The following CBFA2T2 variants were observed in gnomAD, a reference collection of about 807,000 sequenced individuals.
The protein encoded by CBFA2T2 is CBFA2/RUNX1 partner transcriptional co-repressor 2.
A neutral mutation model predicts 62.2 loss-of-function variants in CBFA2T2; 11 were observed. That is an observed-to-expected ratio of 0.18 (90% confidence interval 0.11 to 0.29). The LOEUF is 0.29. Ranked by LOEUF, CBFA2T2 falls within the 10% of genes least tolerant of loss-of-function variation. CBFA2T2 has a pLI of 1.00. For missense variants in CBFA2T2, 592 were observed against 774.1 expected (o/e 0.76, Z 2.79); for synonymous variants, 295 against 287.5 (o/e 1.03, Z -0.27).
chr20:33,540,273 A>C (rs181698782), intron 1 of CBFA2T2, among the ~76,000 whole-genome samples: 1 of 152,330 alleles, frequency 6.6e-6, no homozygotes, highest in African/African-American at 2.4e-5. Context: ...TAACAACAGA[A>C]ATATGTTCTG....
At chr20:33,550,670 T>C (rs920677570) in intron 1 of CBFA2T2, among the ~76,000 whole-genome samples, 2 of 152,114 alleles carry the variant, frequency 1.3e-5, no homozygotes, top group African/African-American at 4.8e-5. Context: ...TCGCCCAGGC[T>C]GGAGTGAAGT....
chr20:33,575,156 G>A (rs2013766738), intron 1 of CBFA2T2, among the ~76,000 whole-genome samples: 1 of 152,218 alleles, frequency 6.6e-6, no homozygotes, highest in South Asian at 2.1e-4. Flanking sequence ...CGAGGTAGCT[G>A]TGTTATTTTT....
At chr20:33,567,450 G>A (rs1221059029) in intron 1 of CBFA2T2, among the ~76,000 whole-genome samples, 1 of 152,076 alleles carries the variant, frequency 6.6e-6, no homozygotes, top group Non-Finnish European at 1.5e-5. Context: ...GTTACCTGTG[G>A]TACAGTACGC....
chr20:33,611,868 G>T (rs992749553), intron 3 of CBFA2T2, among the ~76,000 whole-genome samples: 6 of 152,118 alleles, frequency 3.9e-5, no homozygotes, highest in African/African-American at 1.4e-4. Context: ...GTTATTTAAG[G>T]TGGTGATTTA....
chr20:33,502,520 C>T (rs577033989), intron 1 of CBFA2T2, among the ~76,000 whole-genome samples: 27 of 152,042 alleles, frequency 1.8e-4, no homozygotes, highest in African/African-American at 6.5e-4. Flanking sequence ...CATTCTGCCT[C>T]AGCCTTCCGA....
chr20:33,490,331 G>T, intron 1 of CBFA2T2, 30 bp downstream of exon 1: 1 of 1,277,100 alleles, frequency 7.8e-7, no homozygotes, highest in Non-Finnish European at 9.9e-7. Context: ...GGGCGGCCGA[G>T]GGGGGCGTGT....
chr20:33,550,090 T>C (rs1465929114), intron 1 of CBFA2T2, among the ~76,000 whole-genome samples: 1 of 152,180 alleles, frequency 6.6e-6, no homozygotes, highest in East Asian at 1.9e-4. Context: ...GCTATAGATT[T>C]TAATAACTTA....
At chr20:33,490,561 C>T (rs989864558) in intron 1 of CBFA2T2, among the ~76,000 whole-genome samples, 2 of 152,176 alleles carry the variant, frequency 1.3e-5, no homozygotes, top group African/African-American at 2.4e-5. Context: ...GGAACTTAGG[C>T]CGGGCCGGCG....
At chr20:33,532,883 C>T (rs1269108146) in intron 1 of CBFA2T2, among the ~76,000 whole-genome samples, 1 of 152,208 alleles carries the variant, frequency 6.6e-6, no homozygotes, top group African/African-American at 2.4e-5. Flanking sequence ...CTGTCTTCTG[C>T]TGTTTCTCAA....
chr20:33,546,408 A>C (rs971268328), intron 1 of CBFA2T2, among the ~76,000 whole-genome samples: 1 of 148,400 alleles, frequency 6.7e-6, no homozygotes, highest in South Asian at 2.1e-4. Context: ...TTAGCTCAGC[A>C]TGGCCTATCT....
intron 1 of CBFA2T2, among the ~76,000 whole-genome samples, chr20:33,501,951 T>TA (rs2011292833): frequency 5.2e-3 from 2 of 388 alleles, no homozygotes; most frequent in Non-Finnish European, 8.1e-3. Flanking sequence ...AATTACAAAA[T>TA]TTACTTAATT....
chr20:33,642,373 AG>A (rs1466119897), intron 10 of CBFA2T2, among the ~76,000 whole-genome samples: 2 of 152,034 alleles, frequency 1.3e-5, no homozygotes, highest in Non-Finnish European at 2.9e-5. Context: ...AGGCCAAGGT[AG>A]TGTGAACACT....
intron 1 of CBFA2T2, among the ~76,000 whole-genome samples, chr20:33,491,652 A>G (rs2011147307): frequency 6.6e-6 from 1 of 152,066 alleles, no homozygotes; most frequent in Non-Finnish European, 1.5e-5. Context: ...AAAGAGGCGG[A>G]TAGTGATTAC....
intron 1 of CBFA2T2, among the ~76,000 whole-genome samples, chr20:33,565,211 G>A (rs774927296): frequency 6.6e-6 from 1 of 152,304 alleles, no homozygotes; most frequent in East Asian, 1.9e-4. Context: ...GAGCCACTGC[G>A]CCCGGCTCCA....
intron 1 of CBFA2T2, among the ~76,000 whole-genome samples, chr20:33,516,148 A>G (rs2011596185): frequency 6.6e-6 from 1 of 152,080 alleles, no homozygotes. Context: ...ATGTAAAAAT[A>G]AATTCAAAAA....
intron 1 of CBFA2T2, among the ~76,000 whole-genome samples, chr20:33,554,600 C>CTTTTTTTTTTTTTTTTT (rs752877501): frequency 8.9e-5 from 5 of 56,274 alleles, no homozygotes; most frequent in Non-Finnish European, 1.4e-4. Flanking sequence ...TTTTTCTTTT[C>CTTTTTTTTTTTTTTTTT]TTTTTTTTTT....
intron 1 of CBFA2T2, among the ~76,000 whole-genome samples, chr20:33,575,772 T>A (rs1457886308): frequency 6.6e-6 from 1 of 150,512 alleles, no homozygotes; most frequent in Non-Finnish European, 1.5e-5. Context: ...ATCACAGAGG[T>A]GTTTATTTTT....
At chr20:33,579,817 CTT>C (rs11475822) in intron 1 of CBFA2T2, among the ~76,000 whole-genome samples, 72 of 138,396 alleles carry the variant, frequency 5.2e-4, no homozygotes, top group Middle Eastern at 3.7e-3. Flanking sequence ...CTCTCTCTCT[CTT>C]TTTTTTTTTT....
At chr20:33,524,499 G>A (rs1225691906) in intron 1 of CBFA2T2, among the ~76,000 whole-genome samples, 1 of 152,044 alleles carries the variant, frequency 6.6e-6, no homozygotes, top group Non-Finnish European at 1.5e-5. Flanking sequence ...CTCCCGCTTT[G>A]TAGTTGTTTT....
Sources: gnomAD v4.1 joint callset for allele counts (sites outside exome capture counted in the v4.1 genomes callset) on GRCh38, gnomAD v4.1.1 for gene constraint, MANE v1.5 for transcripts, NCBI Gene and HGNC (gene_info 2026-07-23, HGNC 2026-07-21) for gene names.